Variants in AMELY observed in about 807,000 individuals in gnomAD.
AMELY encodes amelogenin Y-linked.
AMELY carries 4 observed loss-of-function variants against 4.2 expected under a neutral mutation model. The ratio of observed to expected loss-of-function variants is 0.96; its 90% confidence interval spans 0.47 to 2.19. The LOEUF (loss-of-function observed/expected upper bound fraction) is 2.19. Among genes scored for constraint, AMELY ranks in the 30% most tolerant of loss-of-function variants. The probability of loss-of-function intolerance (pLI) is 0.02; values close to 1 mark genes in which losing one functional copy is unlikely to be tolerated. For synonymous variants in AMELY, 11 were observed against 14.7 expected, an observed-to-expected ratio of 0.75 and a Z score of 0.57; for missense variants, 32 against 41.5, an observed-to-expected ratio of 0.77 and a Z score of 0.63.
In AMELY at chrY:6,868,258, G is replaced by C; in HGVS notation, c.352C>G (p.Pro118Ala). 2 of 398,235 alleles carry C rather than the reference G, an allele frequency of 5.0e-6. No homozygotes were observed. Among genetic ancestry groups the C allele is most frequent in the Non-Finnish European group, 7.1e-6 (2 of 283,570 alleles). ...QSMTPTQHHQPNLPLPAQQPF... is the reference protein window; with the variant it reads ...QSMTPTQHHQANLPLPAQQPF... The stretch of plus-strand genomic sequence containing the variant: ...TGCTGGGCAGGCAGAGGGAGGTTTG[G>C]CTGATGGTGTTGGGTTGGAGTCATG... The change falls in exon 6 of 7, where the codon CCA becomes GCA. Residue 118 changes from proline (P) to alanine (A), a missense_variant. By Grantham distance (27) the Pro-to-Ala change is conservative. Coordinates refer to ENST00000651267, the MANE Select transcript of AMELY (RefSeq NM_001143.2).
chrY:6,872,988 C>T (rs2054069549), intron 2 of AMELY, among the ~76,000 whole-genome samples: 1 of 32,561 alleles, frequency 3.1e-5, no homozygotes, highest in Non-Finnish European at 7.5e-5. Flanking sequence ...TTCAAGAGCC[C>T]GTCAAGGTAG....
chrY:6,906,576 C>CTAAG (rs2011663504), intron 1 of AMELY, among the ~76,000 whole-genome samples: 5 of 33,280 alleles, frequency 1.5e-4, no homozygotes, highest in Admixed American at 8.2e-4. Context: ...GCAGTCCTAC[C>CTAAG]TAAGCATCTT....
At chrY:6,869,013 A>G in intron 4 of AMELY, 1 of 186,553 alleles carries the variant, frequency 5.4e-6, no homozygotes, top group Non-Finnish European at 1.0e-5. Context: ...CTTATATGCT[A>G]GGAGGCAAGT....
intron 1 of AMELY, among the ~76,000 whole-genome samples, chrY:6,899,057 C>T (rs901197294): frequency 3.0e-5 from 1 of 33,630 alleles, no homozygotes; most frequent in Non-Finnish European, 7.3e-5. Flanking sequence ...CTCCTCTCAG[C>T]GTACATTTGA....
intron 6 of AMELY, among the ~76,000 whole-genome samples, chrY:6,866,639 C>CTT (rs769931850): frequency 3.2e-4 from 6 of 18,567 alleles, no homozygotes; most frequent in Admixed American, 5.6e-4. Context: ...AATTTCCTTT[C>CTT]TTTTTTTTTT....
rs2054061672 is a variant in AMELY, at chrY:6,866,086, A to G, written c.574-8T>C. 2.7e-5 allele frequency: 8 copies of G among 291,827 alleles called. No homozygotes were observed. Among genetic ancestry groups the G allele is most frequent in the Non-Finnish European group, 3.8e-5 (8 of 208,221 alleles). The allele number at this position is 291,827 out of a possible 400,897, so 72.8% of individuals were successfully genotyped here. On this transcript the variant is annotated splice_region_variant and splice_polypyrimidine_tract_variant and intron_variant, in intron 6 of 6. Coordinates refer to ENST00000651267, the MANE Select transcript of AMELY (RefSeq NM_001143.2). ...TATTCTGGTCTTTTAATCCTGAAAAAAATAGCAAAAGGAACAATTAAATAA... is the reference window on the plus strand; with the variant it reads ...TATTCTGGTCTTTTAATCCTGAAAAGAATAGCAAAAGGAACAATTAAATAA...
intron 1 of AMELY, among the ~76,000 whole-genome samples, chrY:6,882,416 C>G: frequency 1.2e-4 from 4 of 33,317 alleles, no homozygotes; most frequent in Admixed American, 2.8e-4. Context: ...AAACTGGATT[C>G]TTTACTTACA....
chrY:6,869,439 A>C (rs2054065725), intron 4 of AMELY, among the ~76,000 whole-genome samples: 1 of 33,099 alleles, frequency 3.0e-5, no homozygotes, highest in African/African-American at 1.2e-4. Flanking sequence ...AGTTAACCTT[A>C]GGTTTGGGGA....
rs956545502 is a variant in AMELY, at chrY:6,865,987, T to C, written c.*86A>G. On this transcript the variant is annotated 3_prime_UTR_variant, in exon 7 of 7. Coordinates refer to ENST00000651267, the MANE Select transcript of AMELY (RefSeq NM_001143.2). Reference sequence around the variant, plus strand: ...TTACAGAATTTGCTAAGTTAAGTGATTGTAAGCAAAAATCATTGTGTGCTT... The same window carrying C: ...TTACAGAATTTGCTAAGTTAAGTGACTGTAAGCAAAAATCATTGTGTGCTT... 6.8e-6 allele frequency: 1 copy of C among 147,102 alleles called. No homozygotes were observed. Among genetic ancestry groups the C allele is most frequent in the Non-Finnish European group, 1.1e-5 (1 of 92,228 alleles). The allele number at this position is 147,102 out of a possible 400,897, so 36.7% of individuals were successfully genotyped here. A position where few individuals can be genotyped will look rare whatever the true frequency, so the allele number is the denominator to read the frequency against.
chrY:6,885,431 T>G (rs2054079450), intron 1 of AMELY, among the ~76,000 whole-genome samples: 1 of 34,247 alleles, frequency 2.9e-5, no homozygotes, highest in Admixed American at 2.6e-4. Context: ...GCCAAAATTG[T>G]GCCACTGCAC....
chrY:6,908,563 G>A (rs754294533), intron 1 of AMELY, among the ~76,000 whole-genome samples: 2 of 31,500 alleles, frequency 6.3e-5, no homozygotes, highest in East Asian at 1.7e-3. Flanking sequence ...GAAAATAACT[G>A]GAACACACAC....
At chrY:6,885,383 G>A in intron 1 of AMELY, among the ~76,000 whole-genome samples, 2 of 34,092 alleles carry the variant, frequency 5.9e-5, no homozygotes, top group Non-Finnish European at 1.5e-4. Context: ...GCTGAGGCAG[G>A]AGAATGGCAT....
At chrY:6,885,601 T>TA (rs2054079632) in intron 1 of AMELY, among the ~76,000 whole-genome samples, 19 of 34,568 alleles carry the variant, frequency 5.5e-4, no homozygotes, top group African/African-American at 2.1e-3. Flanking sequence ...GTACTGTTCA[T>TA]AATATCAAAC....
At chrY:6,910,802 G>C in intron 1 of AMELY, 1 of 43,082 alleles carries the variant, frequency 2.3e-5, no homozygotes, top group Non-Finnish European at 5.2e-5. Flanking sequence ...CAGTACCCGC[G>C]ACCTTTCCGG....
In AMELY at chrY:6,868,479, A is replaced by G. The variant is rs768541641; in HGVS notation, c.148-17T>C. ...GGAAGAGTACTGGTGAGAAACAGAG[A>G]TGCAGGTTTACCATTGGCTCACGTG... On this transcript the variant is annotated splice_polypyrimidine_tract_variant and intron_variant, in intron 5 of 6. Transcript: ENST00000651267. The G allele has an allele frequency of 7.6e-6, 3 of 397,298 alleles. No homozygotes were observed. Among genetic ancestry groups the G allele is most frequent in the Admixed American group, 7.4e-5 (1 of 13,472 alleles).
intron 1 of AMELY, among the ~76,000 whole-genome samples, chrY:6,895,268 G>A (rs1157846867): frequency 3.9e-4 from 13 of 33,265 alleles, no homozygotes; most frequent in Non-Finnish European, 7.4e-5. Context: ...TTTTTAACAT[G>A]AATAGACTCT....
At chrY:6,899,713 A>G (rs2054088190) in intron 1 of AMELY, among the ~76,000 whole-genome samples, 1 of 31,300 alleles carries the variant, frequency 3.2e-5, no homozygotes. Flanking sequence ...AGCCTGGGCA[A>G]CAAGAATGAA....
intron 1 of AMELY, among the ~76,000 whole-genome samples, chrY:6,874,949 A>G: frequency 3.0e-5 from 1 of 33,490 alleles, no homozygotes; most frequent in Non-Finnish European, 7.4e-5. Context: ...GAGATAATGA[A>G]TGATGTCTAT....
chrY:6,899,508 C>G, intron 1 of AMELY, among the ~76,000 whole-genome samples: 1 of 31,599 alleles, frequency 3.2e-5, no homozygotes, highest in Non-Finnish European at 7.7e-5. Context: ...GGCGGATCAC[C>G]TGAGGTCTGG....
Sources: allele counts gnomAD v4.1 joint callset (sites outside exome capture counted in the v4.1 genomes callset), GRCh38; gene constraint gnomAD v4.1.1; transcripts MANE v1.5; gene names NCBI Gene and HGNC (gene_info 2026-07-23, HGNC 2026-07-21).